FRMD4A: variants seen among roughly 807,000 people sequenced by gnomAD.
FRMD4A encodes FERM domain-containing protein 4A.
In FRMD4A, 29 loss-of-function variants were observed where a neutral mutation model predicts 129.1. The ratio of observed to expected loss-of-function variants is 0.22; its 90% CI spans 0.17 to 0.31. The LOEUF is 0.31. FRMD4A is among the 10% of genes least tolerant of loss of function. FRMD4A has a pLI of 1.00. For missense variants in FRMD4A, 1,272 were observed against 1,375.8 expected (o/e 0.92, Z 1.19); for synonymous variants, 634 against 571.6 (o/e 1.11, Z -1.56).
At chr10:13,753,520 T>C (rs2091724505) in intron 8 of FRMD4A, among the ~76,000 whole-genome samples, 1 of 151,638 alleles carries the variant, frequency 6.6e-6, no homozygotes, top group Non-Finnish European at 1.5e-5. Context: ...GCAAACACAT[T>C]GATGAAATAT....
intron 2 of FRMD4A, among the ~76,000 whole-genome samples, chr10:14,318,195 C>G (rs1846820196): frequency 6.6e-6 from 1 of 152,072 alleles, no homozygotes; most frequent in African/African-American, 2.4e-5. Context: ...GCCTCAGGCC[C>G]CAAACATAGT....
At chr10:14,264,338 T>C (rs1471806902) in intron 2 of FRMD4A, among the ~76,000 whole-genome samples, 1 of 152,144 alleles carries the variant, frequency 6.6e-6, no homozygotes, top group African/African-American at 2.4e-5. Context: ...GGGTAGAAAA[T>C]AGATGAGGTG....
At position 13,733,373 on chromosome 10, in the gene FRMD4A, G is replaced by A. The variant is rs139972600; in HGVS notation, c.759+4471C>T. Reference sequence around the variant, plus strand: ...GTTCCATCTGACATCTTAGCGGGGTGGGGGGGTACCCCTAGAAGCTAACAA... The same window carrying A: ...GTTCCATCTGACATCTTAGCGGGGTAGGGGGGTACCCCTAGAAGCTAACAA... On this transcript the variant is annotated intron_variant, in intron 12 of 24. Transcript: ENST00000357447. 3.0e-3 allele frequency among the ~76,000 whole-genome samples: 453 copies of A among 152,236 alleles called. 4 individuals carry two copies. Among genetic ancestry groups the A allele is most frequent in the African/African-American group, 0.011 (440 of 41,538 alleles).
chr10:13,696,350 T>C (rs1214392978), intron 14 of FRMD4A, among the ~76,000 whole-genome samples: 1 of 152,170 alleles, frequency 6.6e-6, no homozygotes, highest in East Asian at 1.9e-4. Context: ...CAGGTTTTAA[T>C]AAAAAGTAGC....
chr10:14,310,677 T>G (rs1056922385), intron 2 of FRMD4A, among the ~76,000 whole-genome samples: 1 of 152,146 alleles, frequency 6.6e-6, no homozygotes, highest in African/African-American at 2.4e-5. Flanking sequence ...TACCAGAAAT[T>G]CGAGCGCTAT....
chr10:14,328,721 T>G (rs1843389682), intron 2 of FRMD4A, among the ~76,000 whole-genome samples: 1 of 151,906 alleles, frequency 6.6e-6, no homozygotes, highest in African/African-American at 2.4e-5. Flanking sequence ...AGAAGTCTCC[T>G]AGACCCCATA....
intron 17 of FRMD4A, chr10:13,668,422 C>T (rs561239724): frequency 5.9e-5 from 9 of 152,308 alleles, no homozygotes; most frequent in African/African-American, 2.2e-4. Context: ...AAGACAAGTC[C>T]AAGGCTGAAT....
intron 12 of FRMD4A, among the ~76,000 whole-genome samples, chr10:13,724,830 C>G (rs1374128005): frequency 6.6e-6 from 1 of 152,166 alleles, no homozygotes; most frequent in Admixed American, 6.5e-5. Flanking sequence ...GCAGGGAGAA[C>G]AGCAGGTCGA....
intron 2 of FRMD4A, among the ~76,000 whole-genome samples, chr10:14,060,617 C>A (rs1834763074): frequency 6.6e-6 from 1 of 152,112 alleles, no homozygotes; most frequent in Admixed American, 6.5e-5. Flanking sequence ...AAAGTGCTTT[C>A]AACATTGGAA....
intron 2 of FRMD4A, among the ~76,000 whole-genome samples, chr10:14,256,423 C>T (rs1218372): frequency 0.35 from 53,784 of 151,814 alleles, 10,866 homozygotes; most frequent in African/African-American, 0.56. Context: ...CTAATAATTT[C>T]AAAATAATTA....
chr10:14,050,697 C>G (rs1173366547), intron 2 of FRMD4A, among the ~76,000 whole-genome samples: 1 of 152,086 alleles, frequency 6.6e-6, no homozygotes, highest in Non-Finnish European at 1.5e-5. Context: ...ATGATTTAAC[C>G]AACCACGCCT....
chr10:14,062,136 C>T (rs11258845), intron 2 of FRMD4A, among the ~76,000 whole-genome samples: 18,586 of 152,108 alleles, frequency 0.12, 1,581 homozygotes, highest in African/African-American at 0.24. Context: ...AACTACAAAG[C>T]CATGTAAATG....
At chr10:13,892,769 A>G (rs2094715557) in intron 2 of FRMD4A, among the ~76,000 whole-genome samples, 1 of 152,146 alleles carries the variant, frequency 6.6e-6, no homozygotes, top group Non-Finnish European at 1.5e-5. Context: ...TACTTGGTAG[A>G]TCTAGAAACA....
chr10:14,285,931 T>G (rs915042336), intron 2 of FRMD4A, among the ~76,000 whole-genome samples: 6 of 152,232 alleles, frequency 3.9e-5, no homozygotes, highest in Non-Finnish European at 7.3e-5. Context: ...AACACTCTTC[T>G]GCTACCCATT....
intron 19 of FRMD4A, among the ~76,000 whole-genome samples, chr10:13,661,109 T>C (rs1241175713): frequency 1.3e-5 from 2 of 152,336 alleles, no homozygotes; most frequent in South Asian, 2.1e-4. Context: ...TCTGCTTTTT[T>C]CCCCCAGAGC....
At chr10:13,979,113 G>A (rs1022007794) in intron 2 of FRMD4A, among the ~76,000 whole-genome samples, 14 of 152,094 alleles carry the variant, frequency 9.2e-5, no homozygotes, top group African/African-American at 3.4e-4. Flanking sequence ...CTGTTATTTG[G>A]TTTCCACGAA....
At chr10:13,843,609 T>G (rs1001176130) in intron 3 of FRMD4A, among the ~76,000 whole-genome samples, 1 of 152,190 alleles carries the variant, frequency 6.6e-6, no homozygotes, top group African/African-American at 2.4e-5. Flanking sequence ...GCAGCTCTCC[T>G]GCCTCAGCCT....
At chr10:13,723,996 C>T (rs903613018) in intron 12 of FRMD4A, among the ~76,000 whole-genome samples, 7 of 152,162 alleles carry the variant, frequency 4.6e-5, no homozygotes, top group South Asian at 2.1e-4. Context: ...GACTGGGTGA[C>T]GTTGTAATAC....
chr10:14,327,656 C>T (rs1349729365), intron 2 of FRMD4A, among the ~76,000 whole-genome samples: 1 of 152,244 alleles, frequency 6.6e-6, no homozygotes, highest in East Asian at 1.9e-4. Flanking sequence ...CTGGGTGTCT[C>T]CTTATCCAAA....
Sources: gnomAD v4.1 joint callset for allele counts (sites outside exome capture counted in the v4.1 genomes callset) on GRCh38, gnomAD v4.1.1 for gene constraint, MANE v1.5 for transcripts, NCBI Gene and HGNC (gene_info 2026-07-23, HGNC 2026-07-21) for gene names.